The following AEBP2 variants were observed in gnomAD, a reference collection of about 807,000 sequenced individuals.
The protein encoded by AEBP2 is AE binding protein 2.
In AEBP2, 10 loss-of-function variants were observed where a neutral mutation model predicts 50.8. The ratio of observed to expected loss-of-function variants is 0.20; its 90% CI spans 0.12 to 0.33. The LOEUF is 0.33. AEBP2 is among the 10% of genes least tolerant of loss of function. The probability of loss-of-function intolerance (pLI) is 1.00; values close to 1 mark genes in which losing one functional copy is unlikely to be tolerated. For synonymous variants in AEBP2, 296 were observed against 261.3 expected (o/e 1.13, Z -1.28); for missense variants, 570 against 688.0 (o/e 0.83, Z 1.92).
chr12:19,422,344 A>C (rs1414682339), intron 1 of AEBP2, among the ~76,000 whole-genome samples: 1 of 152,130 alleles, frequency 6.6e-6, no homozygotes, highest in East Asian at 1.9e-4. Flanking sequence ...GAGTTACCCT[A>C]TTAGGAATTC....
chr12:19,511,419 G>GA (rs80026544), intron 5 of AEBP2, among the ~76,000 whole-genome samples: 7,390 of 152,238 alleles, frequency 0.049, 392 homozygotes, highest in Admixed American at 0.15. Flanking sequence ...GTTCAAGGCA[G>GA]AAAACCATGA....
chr12:19,490,604 T>C (rs1948882652), intron 3 of AEBP2, among the ~76,000 whole-genome samples: 1 of 152,074 alleles, frequency 6.6e-6, no homozygotes, highest in Non-Finnish European at 1.5e-5. Context: ...AGTGGCATGA[T>C]CTCAGCTCAC....
chr12:19,470,972 GC>G (rs1948563325), intron 2 of AEBP2, among the ~76,000 whole-genome samples: 2 of 151,194 alleles, frequency 1.3e-5, no homozygotes, highest in African/African-American at 4.8e-5. Context: ...ACAAGTAATT[GC>G]GTTTTTTTTC....
intron 6 of AEBP2, 92 bp from the exon 7 acceptor site, chr12:19,514,579 A>G (rs1339136719): frequency 8.1e-6 from 8 of 983,122 alleles, no homozygotes; most frequent in African/African-American, 3.3e-5. Context: ...GGACTGATCA[A>G]AGTAGCAGAA....
intron 3 of AEBP2, among the ~76,000 whole-genome samples, chr12:19,489,986 T>C (rs886825222): frequency 7.7e-6 from 1 of 130,636 alleles, no homozygotes; most frequent in Non-Finnish European, 1.6e-5. Context: ...ATAATTAAAA[T>C]AAACTTTTTT....
At chr12:19,404,702 T>C (rs552177277) in intron 1 of AEBP2, among the ~76,000 whole-genome samples, 5 of 152,268 alleles carry the variant, frequency 3.3e-5, no homozygotes, top group African/African-American at 9.6e-5. Flanking sequence ...GAAAAGAACG[T>C]TGGGTCTGGC....
At chr12:19,469,768 T>G (rs73337379) in intron 2 of AEBP2, among the ~76,000 whole-genome samples, 24 of 152,344 alleles carry the variant, frequency 1.6e-4, no homozygotes, top group African/African-American at 5.8e-4. Context: ...ATTTCTGTTA[T>G]GTCTGATACA....
intron 1 of AEBP2, chr12:19,440,722 C>T: frequency 2.6e-6 from 4 of 1,533,526 alleles, no homozygotes; most frequent in South Asian, 1.2e-5. Flanking sequence ...CACGTCGGTA[C>T]TCAAGGTTAG....
chr12:19,440,435 G>C, intron 1 of AEBP2, 65 bp downstream of exon 1: 1 of 1,439,284 alleles, frequency 6.9e-7, no homozygotes, highest in Non-Finnish European at 9.1e-7. Flanking sequence ...CTCAGAGGGG[G>C]ACCAAGGCGA....
At chr12:19,447,793 T>C (rs570794429) in intron 1 of AEBP2, among the ~76,000 whole-genome samples, 82 of 152,346 alleles carry the variant, frequency 5.4e-4, no homozygotes, top group African/African-American at 1.9e-3. Flanking sequence ...TCAGGAAATG[T>C]GGCAAATTGT....
intron 1 of AEBP2, among the ~76,000 whole-genome samples, chr12:19,432,768 G>C (rs906201172): frequency 6.6e-6 from 1 of 152,092 alleles, no homozygotes; most frequent in Admixed American, 6.6e-5. Flanking sequence ...GAATAGCAGA[G>C]CAGAGGAAGG....
intron 1 of AEBP2, among the ~76,000 whole-genome samples, chr12:19,451,471 TG>T (rs1172873875): frequency 1.3e-5 from 2 of 152,152 alleles, no homozygotes; most frequent in Non-Finnish European, 2.9e-5. Flanking sequence ...ATTTCTTAAA[TG>T]GTGGTTGAAG....
At chr12:19,459,551 A>G (rs1219356629) in intron 1 of AEBP2, among the ~76,000 whole-genome samples, 1 of 152,168 alleles carries the variant, frequency 6.6e-6, no homozygotes, top group Non-Finnish European at 1.5e-5. Context: ...TGAAATTTCT[A>G]GGGTTTAAAT....
intron 1 of AEBP2, chr12:19,413,226 T>C: frequency 1.2e-6 from 1 of 829,778 alleles, no homozygotes. Context: ...TTAACCCAAG[T>C]TTTGGATCAG....
intron 1 of AEBP2, among the ~76,000 whole-genome samples, chr12:19,449,663 A>G (rs183156445): frequency 3.3e-5 from 5 of 152,300 alleles, no homozygotes; most frequent in Admixed American, 3.3e-4. Flanking sequence ...CTTTTTCTTG[A>G]TGATAAAAAT....
rs539191965 is a variant in AEBP2, at chr12:19,518,722, C to T, written c.*605C>T. 1.1e-5 allele frequency: 17 copies of T among 1,484,296 alleles called. No individual in the cohort carries two copies. The highest frequency in any genetic ancestry group is 5.0e-5 in the East Asian group (2 of 39,778). 91.9% of individuals were successfully genotyped at this position (1,484,296 alleles called of 1,614,324 possible). A position where few individuals can be genotyped will look rare whatever the true frequency, so the allele number is the denominator to read the frequency against. ...AATTTGTATTTAAGCAAACAGTGAA[C>T]GACGTTTGCAATCAACTAAAAATTC... is the stretch of plus-strand genomic sequence containing the variant. On this transcript the variant is annotated 3_prime_UTR_variant, in exon 8 of 8. Transcript: ENST00000266508.
intron 3 of AEBP2, among the ~76,000 whole-genome samples, chr12:19,484,742 C>T (rs942076104): frequency 5.3e-5 from 8 of 151,718 alleles, no homozygotes; most frequent in African/African-American, 9.7e-5. Context: ...TATGTCTAAC[C>T]GTTCAGATTT....
intron 5 of AEBP2, among the ~76,000 whole-genome samples, chr12:19,512,081 G>C (rs1949240972): frequency 6.6e-6 from 1 of 151,962 alleles, no homozygotes; most frequent in Non-Finnish European, 1.5e-5. Context: ...GAGTGCAGTG[G>C]CGTGATCTTG....
chr12:19,405,738 C>T (rs777908286), intron 1 of AEBP2, among the ~76,000 whole-genome samples: 6 of 152,140 alleles, frequency 3.9e-5, no homozygotes, highest in Non-Finnish European at 8.8e-5. Context: ...TCGTCTCACA[C>T]CCCCATTATG....
Sources: gnomAD v4.1 joint callset for allele counts (sites outside exome capture counted in the v4.1 genomes callset) on GRCh38, gnomAD v4.1.1 for gene constraint, MANE v1.5 for transcripts, NCBI Gene and HGNC (gene_info 2026-07-23, HGNC 2026-07-21) for gene names.